BRAP: variants seen among roughly 807,000 people sequenced by gnomAD.
BRAP encodes the protein BRCA1 associated protein.
BRAP carries 42 observed loss-of-function variants against 73.4 expected under a neutral mutation model. That is an observed-to-expected ratio of 0.57 (90% CI 0.45 to 0.74). BRAP has a LOEUF of 0.74. Ranked by LOEUF, BRAP falls within the 30% of genes least tolerant of loss-of-function variation. BRAP has a pLI of 0.00. For missense variants in BRAP, 593 were observed against 751.4 expected, an observed-to-expected ratio of 0.79 and a Z score of 2.46; for synonymous variants, 255 against 267.4, an observed-to-expected ratio of 0.95 and a Z score of 0.45.
chr12:111,683,442 C>G (rs1050843197), intron 1 of BRAP, 135 bp from the exon 2 acceptor site: 12 of 977,616 alleles, frequency 1.2e-5, no homozygotes, highest in Non-Finnish European at 1.8e-5. Context: ...TAGTATCCAT[C>G]TCACTCAACT....
intron 4 of BRAP, among the ~76,000 whole-genome samples, chr12:111,674,911 C>T (rs1887320862): frequency 6.6e-6 from 1 of 152,180 alleles, no homozygotes; most frequent in South Asian, 2.1e-4. Flanking sequence ...GAGCCTCAGG[C>T]ACCACCAGTG....
chr12:111,644,412 T>G lies in BRAP; in HGVS notation c.1566A>C (p.Lys522Asn), dbSNP rs1261426170. The G allele has an allele frequency of 6.2e-7, 1 of 1,613,654 alleles. No individual in the cohort carries two copies. Among genetic ancestry groups the G allele is most frequent in the East Asian group, 2.2e-5 (1 of 44,834 alleles). Residue 522 changes from lysine (K) to asparagine (N), a missense_variant, in exon 12 of 12, where the codon AAA becomes AAC. Physicochemically the swap from Lys to Asn is moderately conservative, Grantham distance 94. Around this residue, in one of 4 missense-constraint regions of BRAP, gnomAD observed 143 missense variants for 190.4 expected, o/e 0.75. Coordinates refer to ENST00000419234, the MANE Select transcript of BRAP (RefSeq NM_006768.5). ...CCTGGATCTCGGTGATCTGCAGATC[T>G]TTTTGGTCACAGGTCTCCTTCAGCA... ...ERVLKETCDQ[K>N]DLQITEIQEQ...
At chr12:111,669,984 T>C in intron 5 of BRAP, 1 of 653,906 alleles carries the variant, frequency 1.5e-6, no homozygotes, top group South Asian at 1.5e-5. Flanking sequence ...TCCCTTCCAA[T>C]ATTCTTCATC....
rs1419696934 is a variant in BRAP at position 111,642,624 on chromosome 12, AGT to A, written c.*1573_*1574del. 1 of 152,230 alleles carries A rather than the reference AGT, an allele frequency of 6.6e-6. No individual in the cohort carries two copies. Among genetic ancestry groups the A allele is most frequent in the Non-Finnish European group, 1.5e-5 (1 of 68,048 alleles). 9.4% of individuals were successfully genotyped at this position (152,230 alleles called of 1,614,324 possible). On this transcript the variant is annotated 3_prime_UTR_variant, in exon 12 of 12. Coordinates refer to ENST00000419234, the MANE Select transcript of BRAP (RefSeq NM_006768.5). ...TGGCCAAAACAGCAGGATTCTAACT[AGT>A]GTAAAAATAGATTTTAAATAAAATA...
chr12:111,653,108 G>A (rs963361995), intron 10 of BRAP, among the ~76,000 whole-genome samples: 9 of 152,174 alleles, frequency 5.9e-5, no homozygotes, highest in South Asian at 2.1e-4. Context: ...TGGGAGGATC[G>A]CTTGAGCATG....
chr12:111,660,688 C>T lies in BRAP; in HGVS notation c.897-13G>A. 4 of 1,591,844 alleles carry T rather than the reference C, an allele frequency of 2.5e-6. No individual in the cohort carries two copies. Among genetic ancestry groups the T allele is most frequent in the Non-Finnish European group, 3.4e-6 (4 of 1,171,062 alleles). Reference sequence around the variant, plus strand: ...GCAAACAGGACACCTATCCAGGACACCAAAAGATAATGGTGCAGGTTAAAT... The same window carrying T: ...GCAAACAGGACACCTATCCAGGACATCAAAAGATAATGGTGCAGGTTAAAT... On this transcript the variant is annotated splice_polypyrimidine_tract_variant and intron_variant, in intron 6 of 11. Transcript: ENST00000419234.
At chr12:111,685,191 G>A (rs1887763825) in intron 1 of BRAP, among the ~76,000 whole-genome samples, 2 of 152,222 alleles carry the variant, frequency 1.3e-5, no homozygotes, top group African/African-American at 4.8e-5. Flanking sequence ...AGAGGTACAT[G>A]TCACATCCAT....
chr12:111,665,500 C>T lies in BRAP; in HGVS notation c.896+139G>A. On this transcript the variant is annotated intron_variant, in intron 6 of 11. Coordinates refer to ENST00000419234, the MANE Select transcript of BRAP (RefSeq NM_006768.5). The surrounding 1 kb of genome is among the most constrained non-coding windows in gnomAD (Gnocchi z 4.3). Reference sequence around the variant, plus strand: ...GGTCTCAGAATGCCGATTCCCTGAACTTAGGAAAGGGAAGGAGAAAAAGGA... The same window carrying T: ...GGTCTCAGAATGCCGATTCCCTGAATTTAGGAAAGGGAAGGAGAAAAAGGA... 6.4e-6 allele frequency: 8 copies of T among 1,250,910 alleles called. 1 individual carries two copies. The South Asian group carries it at 9.9e-5, about 15-fold the overall frequency. 77.5% of individuals were successfully genotyped at this position (1,250,910 alleles called of 1,614,324 possible). A position where few individuals can be genotyped will look rare whatever the true frequency, so the allele number is the denominator to read the frequency against.
chr12:111,671,514 C>T (rs1374987872), intron 5 of BRAP, among the ~76,000 whole-genome samples: 1 of 151,636 alleles, frequency 6.6e-6, no homozygotes, highest in Non-Finnish European at 1.5e-5. Flanking sequence ...AGTGCCACTG[C>T]ACTCCAGCCT....
Position 111,685,937 on chromosome 12 carries a change from G to C in BRAP, c.-145C>G. The stretch of plus-strand genomic sequence containing the variant: ...CTCAGCAGCAGCAGCTCCTCGAACA[G>C]CCCTCGGAGCCACAACAACCTCCAC... On this transcript the variant is annotated 5_prime_UTR_variant, in exon 1 of 12. Coordinates refer to ENST00000419234, the MANE Select transcript of BRAP (RefSeq NM_006768.5). 6.9e-6 allele frequency: 3 copies of C among 437,892 alleles called. No homozygotes were observed. Among genetic ancestry groups the C allele is most frequent in the Non-Finnish European group, 1.2e-5 (3 of 259,094 alleles). 27.1% of individuals were successfully genotyped at this position (437,892 alleles called of 1,614,324 possible).
At chr12:111,662,589 G>C (rs1283473761) in intron 6 of BRAP, among the ~76,000 whole-genome samples, 1 of 151,836 alleles carries the variant, frequency 6.6e-6, no homozygotes, top group African/African-American at 2.4e-5. Context: ...ACCCAACTAA[G>C]TAAATAAAAC....
At position 111,644,233 on chromosome 12, in the gene BRAP, G is replaced by A. The variant is rs1886009188; in HGVS notation, c.1745C>T (p.Pro582Leu). The A allele has an allele frequency of 1.2e-6, 2 of 1,613,120 alleles. No homozygotes were observed. Among genetic ancestry groups the A allele is most frequent in the South Asian group, 2.2e-5 (2 of 91,074 alleles). Residue 582 changes from proline (P) to leucine (L), a missense_variant, in exon 12 of 12, where the codon CCC becomes CTC. By Grantham distance (98) the Pro-to-Leu change is moderately conservative (BLOSUM62 -3). Around this residue, in one of 4 missense-constraint regions of BRAP, gnomAD observed 79 missense variants for 65.3 expected, o/e 1.21. Transcript: ENST00000419234. ...CCTCTTGCTGCGGCCCTTCCTGGAG[G>A]GCAACTTCCCACTGCCCCCCGAAGA... Reference protein sequence around the residue: ...PASSGGSGKLPSRKGRSKRGK With the variant: ...PASSGGSGKLLSRKGRSKRGK
intron 2 of BRAP, among the ~76,000 whole-genome samples, 176 bp from the exon 3 acceptor site, chr12:111,682,011 G>C (rs894211799): frequency 1.3e-5 from 2 of 152,114 alleles, no homozygotes; most frequent in African/African-American, 4.8e-5. Flanking sequence ...ATACTTTAAA[G>C]CTCTCTTTGC....
intron 6 of BRAP, among the ~76,000 whole-genome samples, chr12:111,662,584 A>G (rs1304047944): frequency 6.6e-6 from 1 of 152,102 alleles, no homozygotes; most frequent in Non-Finnish European, 1.5e-5. Context: ...CAGTTACCCA[A>G]CTAAGTAAAT....
At chr12:111,670,194 T>C (rs1689775192) in intron 5 of BRAP, 1 of 611,684 alleles carries the variant, frequency 1.6e-6, no homozygotes, top group Non-Finnish European at 3.2e-6. Context: ...GTAGGCTTTG[T>C]TGGGAGGTCT....
intron 4 of BRAP, among the ~76,000 whole-genome samples, chr12:111,678,832 C>T (rs1046987940): frequency 6.6e-6 from 1 of 151,184 alleles, no homozygotes; most frequent in African/African-American, 2.4e-5. Context: ...AAATCATGGG[C>T]ATGAGGCCAG....
At chr12:111,661,692 A>G (rs111915459) in intron 6 of BRAP, among the ~76,000 whole-genome samples, 11 of 151,828 alleles carry the variant, frequency 7.2e-5, no homozygotes, top group African/African-American at 2.7e-4. Context: ...TTGGATTTAA[A>G]ATCTGTAGTA....
intron 7 of BRAP, among the ~76,000 whole-genome samples, chr12:111,660,079 A>T (rs1472156335): frequency 6.6e-6 from 1 of 151,784 alleles, no homozygotes; most frequent in Non-Finnish European, 1.5e-5. Flanking sequence ...GTCTCAAAAA[A>T]AAAAGAAAAA....
intron 5 of BRAP, among the ~76,000 whole-genome samples, chr12:111,668,803 C>T (rs760208816): frequency 2.0e-5 from 3 of 152,018 alleles, no homozygotes; most frequent in Non-Finnish European, 4.4e-5. Context: ...ACTACAGGTG[C>T]CCACCACAAC....
Sources: allele counts gnomAD v4.1 joint callset (sites outside exome capture counted in the v4.1 genomes callset), GRCh38; gene constraint gnomAD v4.1.1; regional missense constraint gnomAD v4.1.1; non-coding constraint Gnocchi (gnomAD v3.1); transcripts MANE v1.5; gene names NCBI Gene and HGNC (gene_info 2026-07-23, HGNC 2026-07-21).